Variants in TENT2 observed in about 807,000 individuals in gnomAD.
TENT2 encodes poly(A) RNA polymerase GLD2.
Under a neutral mutation model 72.2 loss-of-function variants are expected in TENT2, and 44 were observed. The ratio of observed to expected loss-of-function variants is 0.61; its 90% confidence interval spans 0.48 to 0.78. TENT2 has a LOEUF of 0.78. Ranked by LOEUF, TENT2 falls within the 30% of genes least tolerant of loss-of-function variation. TENT2 has a pLI of 0.00. For missense variants in TENT2, 541 were observed against 569.6 expected (o/e 0.95, Z 0.51); for synonymous variants, 212 against 192.5 (o/e 1.10, Z -0.84).
chr5:79,669,276 C>T (rs1030371032), intron 12 of TENT2, among the ~76,000 whole-genome samples: 8 of 152,002 alleles, frequency 5.3e-5, no homozygotes, highest in African/African-American at 1.9e-4. Flanking sequence ...TCAGTAGGCC[C>T]AGTTTTAGTT....
At chr5:79,622,607 TGAAA>T (rs771166871) in intron 3 of TENT2, among the ~76,000 whole-genome samples, 1 of 152,180 alleles carries the variant, frequency 6.6e-6, no homozygotes, top group Non-Finnish European at 1.5e-5. Context: ...CTGAACCATA[TGAAA>T]GAAAGTTGTT....
intron 11 of TENT2, among the ~76,000 whole-genome samples, chr5:79,664,960 A>T (rs887012101): frequency 2.6e-5 from 4 of 152,200 alleles, no homozygotes; most frequent in Non-Finnish European, 5.9e-5. Flanking sequence ...TAGTCACTTC[A>T]TTATAGTACC....
chr5:79,674,211 A>G (rs1445329974), intron 12 of TENT2, among the ~76,000 whole-genome samples: 1 of 152,124 alleles, frequency 6.6e-6, no homozygotes, highest in East Asian at 1.9e-4. Flanking sequence ...GTGAAACCCC[A>G]TCTCTACTAC....
intron 1 of TENT2, among the ~76,000 whole-genome samples, chr5:79,616,133 C>T (rs1002229225): frequency 6.7e-6 from 1 of 150,046 alleles, no homozygotes; most frequent in African/African-American, 2.5e-5. Flanking sequence ...GTGATCTGCC[C>T]ACCTCGGCCT....
intron 1 of TENT2, among the ~76,000 whole-genome samples, chr5:79,614,836 G>A (rs893050510): frequency 2.0e-5 from 3 of 152,072 alleles, no homozygotes; most frequent in Non-Finnish European, 2.9e-5. Context: ...TTGTTTTGAT[G>A]TCATTTTTAT....
At chr5:79,634,497 T>G (rs1778486394) in intron 4 of TENT2, among the ~76,000 whole-genome samples, 1 of 151,924 alleles carries the variant, frequency 6.6e-6, no homozygotes, top group African/African-American at 2.4e-5. Context: ...TCACCATGAC[T>G]GGCTGATTTT....
At chr5:79,641,400 A>C (rs1784315246) in intron 6 of TENT2, among the ~76,000 whole-genome samples, 1 of 150,632 alleles carries the variant, frequency 6.6e-6, no homozygotes, top group African/African-American at 2.4e-5. Context: ...GCATTAATTT[A>C]ATTCTAAGTT....
chr5:79,663,313 C>T (rs532893129), intron 11 of TENT2, among the ~76,000 whole-genome samples: 354 of 152,300 alleles, frequency 2.3e-3, no homozygotes, highest in Non-Finnish European at 4.4e-3. Flanking sequence ...TAATATCCTT[C>T]AAGAACTTTT....
rs1580713407 is a variant in TENT2 at position 79,683,752 on chromosome 5, A to G, written c.1381-1447A>G. 2.1e-5 allele frequency among the ~76,000 whole-genome samples: 3 copies of G among 140,576 alleles called. No individual in the cohort carries two copies. The East Asian group carries it at 6.0e-4, about 28-fold the overall frequency. 92.2% of individuals were successfully genotyped at this position (140,576 alleles called of 152,430 possible). ...AAAACGGTGAAACCCCGTTTCTACT[A>G]AAAAAAAAATACAAAAAATTAGCCG... On this transcript the variant is annotated intron_variant, in intron 14 of 14. Coordinates refer to ENST00000453514, the MANE Select transcript of TENT2 (RefSeq NM_001114394.3).
At position 79,641,172 on chromosome 5, in the gene TENT2, AT is replaced by A; in HGVS notation, c.649del (p.Cys217AlafsTer2). 6.3e-7 allele frequency: 1 copy of A among 1,578,830 alleles called. No individual in the cohort carries two copies. The highest frequency in any genetic ancestry group is 8.5e-7 in the Non-Finnish European group (1 of 1,169,840). ...FGTRSSDGDLCLVVKEEPCFF... is the reference protein window; with the variant it reads ...FGTRSSDGDLXLVVKEEPCFF... ...GTACCCGGAGCAGTGATGGTGATTT[AT>A]GCCTAGTTGTTAAGGAAGAACCAGT... is the stretch of plus-strand genomic sequence containing the variant. On this transcript the variant is annotated frameshift_variant, in exon 6 of 15. Coordinates refer to ENST00000453514, the MANE Select transcript of TENT2 (RefSeq NM_001114394.3). LOFTEE classifies it high-confidence loss of function.
chr5:79,634,689 T>C (rs1238574577), intron 4 of TENT2, among the ~76,000 whole-genome samples: 1 of 152,156 alleles, frequency 6.6e-6, no homozygotes, highest in African/African-American at 2.4e-5. Context: ...ATTTTTTGTG[T>C]AGTGAGAAAT....
intron 4 of TENT2, among the ~76,000 whole-genome samples, chr5:79,624,288 T>G (rs1256883335): frequency 6.6e-6 from 1 of 152,220 alleles, no homozygotes; most frequent in Non-Finnish European, 1.5e-5. Context: ...TACTCATCTT[T>G]GGGTTCCTAT....
chr5:79,684,792 A>G (rs1825316925), intron 14 of TENT2, among the ~76,000 whole-genome samples: 1 of 152,242 alleles, frequency 6.6e-6, no homozygotes, highest in African/African-American at 2.4e-5. Context: ...TTTTTAAATA[A>G]CATTTTCTTT....
intron 4 of TENT2, among the ~76,000 whole-genome samples, chr5:79,628,177 T>C (rs1014410831): frequency 3.9e-5 from 6 of 152,222 alleles, no homozygotes; most frequent in African/African-American, 4.8e-5. Flanking sequence ...ATTGAGTATC[T>C]GTCATTACTG....
rs1169779538 is a variant in TENT2, at chr5:79,641,052, A to G, written c.581-53A>G. The G allele has an allele frequency of 1.4e-5, 21 of 1,493,798 alleles. No homozygotes were observed. The East Asian group carries it at 3.7e-4, about 26-fold the overall frequency. The allele number at this position is 1,493,798 out of a possible 1,614,324, so 92.5% of individuals were successfully genotyped here. ...TTTTTTTTTTAATAGGCACAGAACC[A>G]TGCACCTACTTTAGATTTTAAATAC... On this transcript the variant is annotated intron_variant, in intron 5 of 14. Coordinates refer to ENST00000453514, the MANE Select transcript of TENT2 (RefSeq NM_001114394.3).
At chr5:79,627,185 G>C (rs1299557529) in intron 4 of TENT2, among the ~76,000 whole-genome samples, 18 of 151,502 alleles carry the variant, frequency 1.2e-4, no homozygotes, top group Non-Finnish European at 1.5e-5. Context: ...TGGTAGCCCT[G>C]TTTTCTATGG....
At chr5:79,655,519 G>T in intron 10 of TENT2, among the ~76,000 whole-genome samples, 1 of 152,078 alleles carries the variant, frequency 6.6e-6, no homozygotes, top group East Asian at 1.9e-4. Flanking sequence ...TTTTAAGTAA[G>T]CTAATTTATT....
At chr5:79,631,682 CT>C (rs1775674926) in intron 4 of TENT2, among the ~76,000 whole-genome samples, 1 of 152,108 alleles carries the variant, frequency 6.6e-6, no homozygotes, top group South Asian at 2.1e-4. Context: ...TTAGGACAGG[CT>C]TTTTTTGGTA....
intron 13 of TENT2, chr5:79,681,756 T>A: frequency 2.6e-6 from 1 of 379,966 alleles, no homozygotes; most frequent in South Asian, 5.2e-5. Flanking sequence ...TGACTTTCAT[T>A]TTTGATCACC....
Sources: allele counts gnomAD v4.1 joint callset (sites outside exome capture counted in the v4.1 genomes callset), GRCh38; gene constraint gnomAD v4.1.1; transcripts MANE v1.5; gene names NCBI Gene and HGNC (gene_info 2026-07-23, HGNC 2026-07-21).